The following RBBP6 variants were observed in gnomAD, a reference collection of about 807,000 sequenced individuals.
RBBP6 encodes the protein E3 ubiquitin-protein ligase RBBP6.
In RBBP6, 25 loss-of-function variants were observed where a neutral mutation model predicts 167.7. The observed-to-expected ratio is 0.15, with a 90% CI of 0.11 to 0.21. RBBP6 has a LOEUF of 0.21. Ranked by LOEUF, RBBP6 falls within the 10% of genes least tolerant of loss-of-function variation. The pLI is 1.00. For synonymous variants in RBBP6, 789 were observed against 735.8 expected, an observed-to-expected ratio of 1.07 and a Z score of -1.17; for missense variants, 1,868 against 2,134.2, an observed-to-expected ratio of 0.88 and a Z score of 2.46.
At chr16:24,567,968 A>C in intron 16 of RBBP6, 75 bp downstream of exon 16, 1 of 1,237,352 alleles carries the variant, frequency 8.1e-7, no homozygotes, top group Non-Finnish European at 1.2e-6. Flanking sequence ...TATGGATATA[A>C]AGAACATTGC....
At chr16:24,564,276 T>G (rs1191302442) in intron 13 of RBBP6, among the ~76,000 whole-genome samples, 1 of 152,212 alleles carries the variant, frequency 6.6e-6, no homozygotes, top group Non-Finnish European at 1.5e-5. Flanking sequence ...TTCTTAAAAG[T>G]ATGAGTTACT....
At position 24,559,540 on chromosome 16, in the gene RBBP6, C is replaced by T; in HGVS notation, c.710C>T (p.Pro237Leu). 6.2e-7 allele frequency: 1 copy of T among 1,601,554 alleles called. No individual in the cohort carries two copies. The highest frequency in any genetic ancestry group is 8.5e-7 in the Non-Finnish European group (1 of 1,175,648). The change falls in exon 8 of 18, where the codon CCC becomes CTC. Residue 237 changes from proline (P) to leucine (L), a missense_variant. Pro to Leu is a moderately conservative substitution (Grantham distance 98, BLOSUM62 -3). This residue lies in a region of RBBP6 where 184 missense variants were observed against 327.7 expected (regional missense o/e 0.56). Transcript: ENST00000319715. ...GCAATTGGGAAGAAAGAGAAACCTC[C>T]CTTCTTACCAGAGGAGCCATCTTCT... ...AYAIGKKEKP[P>L]FLPEEPSSSS...
At chr16:24,548,848 C>G in intron 2 of RBBP6, 97 bp from the exon 3 acceptor site, 1 of 993,250 alleles carries the variant, frequency 1.0e-6, no homozygotes, top group Non-Finnish European at 1.5e-6. Flanking sequence ...AAATTAGGTT[C>G]CTAAAAATGT....
chr16:24,570,509 T>G lies in RBBP6; in HGVS notation c.3809+10T>G. On this transcript the variant is annotated intron_variant, in intron 17 of 17. Coordinates refer to ENST00000319715, the MANE Select transcript of RBBP6 (RefSeq NM_006910.5). Reference sequence around the variant, plus strand: ...TGGTGGATTACACCAGGTAGCTGAGTGTAGGGGGTGGGTGTGGAACTTTGT... The same window carrying G: ...TGGTGGATTACACCAGGTAGCTGAGGGTAGGGGGTGGGTGTGGAACTTTGT... The G allele has an allele frequency of 6.4e-7, 1 of 1,552,640 alleles. No homozygotes were observed. The highest frequency in any genetic ancestry group is 8.6e-7 in the Non-Finnish European group (1 of 1,159,978).
intron 3 of RBBP6, among the ~76,000 whole-genome samples, chr16:24,550,373 T>TG (rs1898770105): frequency 6.7e-6 from 1 of 149,200 alleles, no homozygotes; most frequent in Non-Finnish European, 1.5e-5. Flanking sequence ...GTTTTTTTGT[T>TG]TTTTTTTTTT....
chr16:24,563,802 C>A, intron 13 of RBBP6, 138 bp downstream of exon 13: 1 of 655,394 alleles, frequency 1.5e-6, no homozygotes. Flanking sequence ...TTTCATGTGC[C>A]AGATTAACAT....
chr16:24,571,233 T>C lies in RBBP6; in HGVS notation c.4167T>C (p.Val1389=), dbSNP rs1596515704. The change falls in exon 18 of 18, where the codon GTT becomes GTC. Residue 1389 remains valine, a synonymous_variant. Transcript: ENST00000319715. ...GCCATGAAATCATACAACATGAGGT[T>C]AAAAGTTCAAAAAACTCTGCATCTA... is the stretch of plus-strand genomic sequence containing the variant. The part of the protein sequence containing the change: ...DVSHEIIQHE[V]KSSKNSASSE... 1.2e-6 allele frequency: 2 copies of C among 1,612,594 alleles called. No individual in the cohort carries two copies.
intron 5 of RBBP6, 22 bp from the exon 6 acceptor site, chr16:24,555,799 T>G (rs758243911): frequency 6.3e-6 from 10 of 1,588,136 alleles, no homozygotes; most frequent in Non-Finnish European, 8.6e-6. Flanking sequence ...CGTATACATG[T>G]AATTTTTTTT....
intron 7 of RBBP6, among the ~76,000 whole-genome samples, chr16:24,558,946 CATA>C (rs1224083266): frequency 2.0e-5 from 3 of 152,110 alleles, no homozygotes; most frequent in Admixed American, 6.5e-5. Context: ...GTGGTAATGA[CATA>C]ATATTTCCCT....
chr16:24,553,324 T>G, intron 3 of RBBP6, 189 bp from the exon 4 acceptor site: 1 of 479,796 alleles, frequency 2.1e-6, no homozygotes. Flanking sequence ...AACTGATAGC[T>G]TTTTATAACT....
chr16:24,541,811 T>TA (rs1567269154), intron 1 of RBBP6, among the ~76,000 whole-genome samples: 1 of 152,202 alleles, frequency 6.6e-6, no homozygotes. Flanking sequence ...GAAGTGAAGT[T>TA]ACAATTAGGT....
At chr16:24,545,421 T>C (rs1898619722) in intron 1 of RBBP6, among the ~76,000 whole-genome samples, 1 of 152,212 alleles carries the variant, frequency 6.6e-6, no homozygotes. Flanking sequence ...TTGCTTAAAA[T>C]CCTTCAGTGT....
chr16:24,556,026 A>G (rs371818130), intron 6 of RBBP6, 109 bp downstream of exon 6: 51 of 1,078,990 alleles, frequency 4.7e-5, no homozygotes, highest in East Asian at 3.1e-4. Flanking sequence ...ACAATGGCAA[A>G]TGAGCATGGT....
chr16:24,552,469 A>G (rs951693002), intron 3 of RBBP6, among the ~76,000 whole-genome samples: 1 of 151,896 alleles, frequency 6.6e-6, no homozygotes, highest in African/African-American at 2.4e-5. Flanking sequence ...CCCACTTACT[A>G]CGTAGGAAGC....
At position 24,569,888 on chromosome 16, in the gene RBBP6, T is replaced by C; in HGVS notation, c.3198T>C (p.Thr1066=). 2 of 1,610,386 alleles carry C rather than the reference T, an allele frequency of 1.2e-6. No homozygotes were observed. The highest frequency in any genetic ancestry group is 1.7e-6 in the Non-Finnish European group (2 of 1,179,238). Residue 1066 remains threonine, a synonymous_variant, in exon 17 of 18, where the codon ACT becomes ACC. Transcript: ENST00000319715. ...EPPIKKAKEE[T]PKTDNTKSSS... ...CAATTAAAAAAGCCAAAGAGGAGACTCCGAAGACTGACAATACTAAATCAT... is the reference window on the plus strand; with the variant it reads ...CAATTAAAAAAGCCAAAGAGGAGACCCCGAAGACTGACAATACTAAATCAT...
At chr16:24,556,601 G>T (rs1156780491) in intron 7 of RBBP6, among the ~76,000 whole-genome samples, 154 bp downstream of exon 7, 1 of 152,208 alleles carries the variant, frequency 6.6e-6, no homozygotes, top group Admixed American at 6.5e-5. Flanking sequence ...CTGTGAGGCT[G>T]CAGTCTGCTC....
intron 6 of RBBP6, 80 bp from the exon 7 acceptor site, chr16:24,556,228 C>G (rs187414126): frequency 8.6e-7 from 1 of 1,167,954 alleles, no homozygotes; most frequent in African/African-American, 1.6e-5. Flanking sequence ...ATAGTAAGCA[C>G]TGTATAACAT....
intron 4 of RBBP6, chr16:24,554,681 T>C (rs1440041326): frequency 6.6e-6 from 1 of 152,064 alleles, no homozygotes; most frequent in Non-Finnish European, 1.5e-5. Context: ...TATTCTTATG[T>C]ACTGTAAGGA....
chr16:24,557,598 C>T (rs1025546358), intron 7 of RBBP6, among the ~76,000 whole-genome samples: 7 of 152,048 alleles, frequency 4.6e-5, no homozygotes, highest in East Asian at 1.9e-4. Flanking sequence ...CTGGTTGCTC[C>T]GCCCCCAATT....
Sources: gnomAD v4.1 joint callset for allele counts (sites outside exome capture counted in the v4.1 genomes callset) on GRCh38, gnomAD v4.1.1 for gene constraint, gnomAD v4.1.1 regional missense constraint, MANE v1.5 for transcripts, NCBI Gene and HGNC (gene_info 2026-07-23, HGNC 2026-07-21) for gene names.